The following DOCK3 variants were observed in gnomAD, a reference collection of about 807,000 sequenced individuals.
DOCK3 encodes the protein dedicator of cytokinesis 3, also known as dedicator of cytokinesis protein 3.
DOCK3 carries 60 observed loss-of-function variants against 265.6 expected under a neutral mutation model. The ratio of observed to expected loss-of-function variants is 0.23; its 90% CI spans 0.18 to 0.28. DOCK3 has a LOEUF of 0.28. Among genes scored for constraint, DOCK3 ranks in the 10% least tolerant of loss-of-function variants. The pLI, the probability that DOCK3 is intolerant of heterozygous loss-of-function variation, is 1.00. For synonymous variants in DOCK3, 881 were observed against 938.0 expected, an observed-to-expected ratio of 0.94 and a Z score of 1.11; for missense variants, 1,981 against 2,594.3, an observed-to-expected ratio of 0.76 and a Z score of 5.14.
At chr3:51,347,403 C>T (rs2085661844) in intron 38 of DOCK3, among the ~76,000 whole-genome samples, 1 of 152,150 alleles carries the variant, frequency 6.6e-6, no homozygotes, top group Non-Finnish European at 1.5e-5. Flanking sequence ...GGAATCCTTT[C>T]CCCATTGCTT....
At chr3:50,872,029 T>C (rs1239006691) in intron 3 of DOCK3, among the ~76,000 whole-genome samples, 1 of 152,252 alleles carries the variant, frequency 6.6e-6, no homozygotes, top group Non-Finnish European at 1.5e-5. Context: ...TCTCTAGATT[T>C]GGTTCCTGGT....
At chr3:51,037,888 A>G (rs539976700) in intron 5 of DOCK3, among the ~76,000 whole-genome samples, 1 of 152,212 alleles carries the variant, frequency 6.6e-6, no homozygotes, top group Non-Finnish European at 1.5e-5. Context: ...ACTGTTTAGG[A>G]ACCAGTGTGA....
At chr3:51,278,202 G>A (rs529332003) in intron 26 of DOCK3, 2 of 985,340 alleles carry the variant, frequency 2.0e-6, no homozygotes, top group African/African-American at 3.5e-5. Flanking sequence ...CATTATGTTT[G>A]TATCTAAATT....
chr3:51,278,615 CATAT>C (rs58166776), intron 26 of DOCK3: 10,678 of 527,326 alleles, frequency 0.02, no homozygotes, highest in Non-Finnish European at 0.024. Flanking sequence ...AAGTAAAAAA[CATAT>C]ATATATATAT....
intron 27 of DOCK3, among the ~76,000 whole-genome samples, chr3:51,297,901 C>A (rs1004988139): frequency 2.0e-5 from 3 of 151,856 alleles, no homozygotes; most frequent in Non-Finnish European, 4.4e-5. Context: ...GCAGGAGGAT[C>A]CCTTGAGTTC....
At position 50,734,602 on chromosome 3, in the gene DOCK3, G is replaced by GTTTTTTTT. The variant is rs771129941; in HGVS notation, c.38-44062_38-44055dup. Among the ~76,000 whole-genome samples the GTTTTTTTT allele has an allele frequency of 5.3e-4, 57 of 107,384 alleles. 9 individuals are homozygous for GTTTTTTTT. The highest frequency in any genetic ancestry group is 8.7e-4 in the Admixed American group (7 of 8,086). The allele number at this position is 107,384 out of a possible 152,430, so 70.4% of individuals were successfully genotyped here. A position where few individuals can be genotyped will look rare whatever the true frequency, so the allele number is the denominator to read the frequency against. On this transcript the variant is annotated intron_variant, in intron 1 of 52. Coordinates refer to ENST00000266037, the MANE Select transcript of DOCK3 (RefSeq NM_004947.5). ...TATTATATTCTTGCTTTTACAGTGA[G>GTTTTTTTT]TTTTTTTTTTTTTTTTTTGAGATGG... is the stretch of plus-strand genomic sequence containing the variant.
intron 27 of DOCK3, among the ~76,000 whole-genome samples, chr3:51,285,776 T>G (rs982634700): frequency 3.3e-5 from 5 of 150,680 alleles, no homozygotes; most frequent in Non-Finnish European, 7.4e-5. Context: ...CTACTAAAAA[T>G]AAAAAAAAAT....
chr3:50,932,417 C>T (rs1253348327), intron 4 of DOCK3, among the ~76,000 whole-genome samples: 1 of 151,776 alleles, frequency 6.6e-6, no homozygotes, highest in Non-Finnish European at 1.5e-5. Flanking sequence ...ATGATATTCC[C>T]CTTGGCTAAT....
intron 4 of DOCK3, among the ~76,000 whole-genome samples, chr3:50,898,258 A>G (rs2107789811): frequency 6.6e-6 from 1 of 152,030 alleles, no homozygotes; most frequent in African/African-American, 2.4e-5. Context: ...TTTCTAGTTT[A>G]TTTGCATAGA....
intron 3 of DOCK3, among the ~76,000 whole-genome samples, chr3:50,888,723 TG>T (rs1559773031): frequency 6.6e-6 from 1 of 152,180 alleles, no homozygotes; most frequent in Non-Finnish European, 1.5e-5. Flanking sequence ...TACAACTATC[TG>T]ATCTTTGACA....
intron 14 of DOCK3, among the ~76,000 whole-genome samples, chr3:51,223,160 T>C (rs1033963226): frequency 2.6e-5 from 4 of 152,202 alleles, no homozygotes; most frequent in African/African-American, 9.6e-5. Flanking sequence ...TAGTTTGGAC[T>C]CTTAGCCTCA....
chr3:51,215,637 G>A, intron 14 of DOCK3, among the ~76,000 whole-genome samples: 1 of 152,182 alleles, frequency 6.6e-6, no homozygotes, highest in East Asian at 1.9e-4. Flanking sequence ...GAAGGCCTAT[G>A]TGGTGGGTTC....
At chr3:51,268,435 C>A (rs1425258418) in intron 23 of DOCK3, among the ~76,000 whole-genome samples, 2 of 152,254 alleles carry the variant, frequency 1.3e-5, no homozygotes, top group African/African-American at 4.8e-5. Context: ...GATATTTTTC[C>A]TTACAAATGA....
At chr3:51,228,562 A>G (rs1294371547) in intron 17 of DOCK3, 99 bp from the exon 18 acceptor site, 3 of 1,350,768 alleles carry the variant, frequency 2.2e-6, no homozygotes, top group Non-Finnish European at 3.0e-6. Flanking sequence ...GTTCAGCCTT[A>G]GGAAGATGAG....
chr3:50,741,152 A>G (rs1393051026), intron 1 of DOCK3, among the ~76,000 whole-genome samples: 1 of 151,554 alleles, frequency 6.6e-6, no homozygotes, highest in Non-Finnish European at 1.5e-5. Flanking sequence ...TATTATATAT[A>G]TGTATATATC....
chr3:50,804,424 G>A (rs1157112110), intron 2 of DOCK3, among the ~76,000 whole-genome samples: 2 of 152,122 alleles, frequency 1.3e-5, no homozygotes, highest in Non-Finnish European at 2.9e-5. Context: ...CCGAGATCAC[G>A]TCACTGCACT....
At chr3:51,193,020 A>G (rs2088044172) in intron 12 of DOCK3, among the ~76,000 whole-genome samples, 1 of 152,056 alleles carries the variant, frequency 6.6e-6, no homozygotes, top group Admixed American at 6.5e-5. Flanking sequence ...GCTTTCAGAT[A>G]TTTCCCTATT....
chr3:50,999,576 C>T (rs960589419), intron 5 of DOCK3, among the ~76,000 whole-genome samples: 1 of 152,160 alleles, frequency 6.6e-6, no homozygotes, highest in Non-Finnish European at 1.5e-5. Flanking sequence ...ACTGATGACT[C>T]AGAAATTTAT....
chr3:50,765,072 GTTTTTTTTTTTT>G (rs34672189), intron 1 of DOCK3, among the ~76,000 whole-genome samples: 5 of 47,498 alleles, frequency 1.1e-4, no homozygotes, highest in South Asian at 3.0e-3. Context: ...ACTTTCTTAG[GTTTTTTTTTTTT>G]TTTTTTTTTT....
Sources: allele counts gnomAD v4.1 joint callset (sites outside exome capture counted in the v4.1 genomes callset), GRCh38; gene constraint gnomAD v4.1.1; transcripts MANE v1.5; gene names NCBI Gene and HGNC (gene_info 2026-07-23, HGNC 2026-07-21).